ORC5: variants seen among roughly 807,000 people sequenced by gnomAD.
ORC5 encodes the protein origin recognition complex subunit 5, also known as protein phosphatase 1, regulatory subunit 117.
Under a neutral mutation model 58.8 loss-of-function variants are expected in ORC5, and 39 were observed. That is an observed-to-expected ratio of 0.66 (90% CI 0.51 to 0.87). The LOEUF is 0.87. Ranked by LOEUF, ORC5 falls within the 40% of genes least tolerant of loss-of-function variation. The pLI, the probability that ORC5 is intolerant of heterozygous loss-of-function variation, is 0.00. For missense variants in ORC5, 493 were observed against 506.3 expected, an observed-to-expected ratio of 0.97 and a Z score of 0.25; for synonymous variants, 218 against 177.6, an observed-to-expected ratio of 1.23 and a Z score of -1.81.
At chr7:104,185,280 T>C (rs1304297067) in intron 6 of ORC5, among the ~76,000 whole-genome samples, 1 of 152,108 alleles carries the variant, frequency 6.6e-6, no homozygotes, top group African/African-American at 2.4e-5. Flanking sequence ...AAAATAAATT[T>C]GTATGCCTTT....
intron 10 of ORC5, 25 bp downstream of exon 10, chr7:104,166,747 G>A: frequency 1.6e-6 from 2 of 1,212,128 alleles, no homozygotes; most frequent in Non-Finnish European, 2.4e-6. Flanking sequence ...AAAAAATAAA[G>A]TGAAAAGAAG....
intron 8 of ORC5, among the ~76,000 whole-genome samples, chr7:104,172,228 T>G (rs750735819): frequency 1.1e-4 from 17 of 152,224 alleles, no homozygotes; most frequent in Admixed American, 2.6e-4. Flanking sequence ...GTGGACACAA[T>G]TGAATTTAGG....
In ORC5 at chr7:104,158,805, G is replaced by A. The variant is rs557710755; in HGVS notation, c.1149+2267C>T. Among the ~76,000 whole-genome samples the A allele has an allele frequency of 5.3e-3, 804 of 151,502 alleles. 8 individuals carry two copies. The highest frequency in any genetic ancestry group is 0.018 in the African/African-American group (743 of 41,056). On this transcript the variant is annotated intron_variant, in intron 12 of 13. Coordinates refer to ENST00000297431, the MANE Select transcript of ORC5 (RefSeq NM_002553.4). ...ACCATCTCACACCAGTTAGAATGGC[G>A]ATCATTAAAAAGTCAGGAAACAACA...
At chr7:104,205,446 T>G (rs1800055817) in intron 1 of ORC5, among the ~76,000 whole-genome samples, 1 of 152,164 alleles carries the variant, frequency 6.6e-6, no homozygotes, top group South Asian at 2.1e-4. Context: ...ATGCAATTTC[T>G]ATCAGAAAGT....
At chr7:104,207,250 C>T (rs1461748545) in intron 1 of ORC5, among the ~76,000 whole-genome samples, 2 of 152,154 alleles carry the variant, frequency 1.3e-5, no homozygotes, top group Non-Finnish European at 2.9e-5. Flanking sequence ...GGACTCCCTA[C>T]GTATCTATGT....
At chr7:104,142,304 A>G (rs930924884) in intron 12 of ORC5, among the ~76,000 whole-genome samples, 10 of 152,196 alleles carry the variant, frequency 6.6e-5, no homozygotes, top group African/African-American at 2.2e-4. Flanking sequence ...AAACGTAGGG[A>G]AAAAAACTCC....
chr7:104,145,860 T>C (rs181039101), intron 12 of ORC5, among the ~76,000 whole-genome samples: 9 of 152,252 alleles, frequency 5.9e-5, no homozygotes, highest in Admixed American at 2.0e-4. Flanking sequence ...GGCAAAAGGC[T>C]ACCCAGGTAG....
intron 3 of ORC5, among the ~76,000 whole-genome samples, chr7:104,199,087 A>G (rs1799869269): frequency 6.6e-6 from 1 of 152,228 alleles, no homozygotes; most frequent in Non-Finnish European, 1.5e-5. Context: ...TCCAGGCAGA[A>G]GTTGGCTGTA....
intron 13 of ORC5, among the ~76,000 whole-genome samples, chr7:104,132,042 A>G (rs1798520059): frequency 2.0e-5 from 3 of 152,164 alleles, no homozygotes; most frequent in African/African-American, 7.2e-5. Flanking sequence ...AATAAATGTT[A>G]AATAAACGAA....
chr7:104,143,798 G>A (rs563484436), intron 12 of ORC5, among the ~76,000 whole-genome samples: 3 of 151,930 alleles, frequency 2.0e-5, no homozygotes, highest in Admixed American at 1.3e-4. Context: ...ACAAATAATA[G>A]ATATTCAGAA....
chr7:104,126,738 A>G lies in ORC5; in HGVS notation c.*110T>C, dbSNP rs1397245893. The G allele has an allele frequency of 1.9e-5, 14 of 736,130 alleles. No individual in the cohort carries two copies. Among genetic ancestry groups the G allele is most frequent in the Non-Finnish European group, 3.2e-5 (14 of 439,338 alleles). 45.6% of individuals were successfully genotyped at this position (736,130 alleles called of 1,614,324 possible). A position where few individuals can be genotyped will look rare whatever the true frequency, so the allele number is the denominator to read the frequency against. ...CCATGCTGGGCCAGCACCTGTTTGG[A>G]CAAATCCAATAGAGCCAAAGAACTC... On this transcript the variant is annotated 3_prime_UTR_variant, in exon 14 of 14. Coordinates refer to ENST00000297431, the MANE Select transcript of ORC5 (RefSeq NM_002553.4).
intron 6 of ORC5, among the ~76,000 whole-genome samples, chr7:104,186,682 C>T (rs1358378653): frequency 6.6e-6 from 1 of 151,926 alleles, no homozygotes; most frequent in South Asian, 2.1e-4. Context: ...ATGCCACTTA[C>T]AAACTTTGAA....
chr7:104,207,966 A>T lies in ORC5; in HGVS notation c.-62T>A, dbSNP rs573510618. On this transcript the variant is annotated 5_prime_UTR_variant, in exon 1 of 14. Coordinates refer to ENST00000297431, the MANE Select transcript of ORC5 (RefSeq NM_002553.4). ...CCCACAGGACCCTTGCACAAGACGG[A>T]GCCTCTCCCGAGTCTGGCGGCCCAC... 54 of 1,481,864 alleles carry T rather than the reference A, an allele frequency of 3.6e-5. No homozygotes were observed. The highest frequency in any genetic ancestry group is 4.7e-5 in the Non-Finnish European group (50 of 1,064,794). 91.8% of individuals were successfully genotyped at this position (1,481,864 alleles called of 1,614,324 possible). A position where few individuals can be genotyped will look rare whatever the true frequency, so the allele number is the denominator to read the frequency against.
chr7:104,162,977 G>C (rs1393184360), intron 11 of ORC5, among the ~76,000 whole-genome samples: 1 of 152,056 alleles, frequency 6.6e-6, no homozygotes, highest in African/African-American at 2.4e-5. Context: ...TCTACCAATT[G>C]CTTTTTGAGA....
rs1214579740 is a variant in ORC5 at position 104,138,791 on chromosome 7, G to A, written c.1150-1898C>T. 6.6e-6 allele frequency among the ~76,000 whole-genome samples: 1 copy of A among 152,148 alleles called. No homozygotes were observed. Among genetic ancestry groups the A allele is most frequent in the African/African-American group, 2.4e-5 (1 of 41,434 alleles). ...CTCCCAAAGTGTTGGGATTAGAGGC[G>A]TGAGCCCCCGCACCCAACCATTGCT... On this transcript the variant is annotated intron_variant, in intron 12 of 13. Transcript: ENST00000297431. This position sits in a 1 kb window ranked among gnomAD's most constrained non-coding sequence, Gnocchi z 4.7.
chr7:104,162,319 T>C (rs746128127), intron 11 of ORC5, among the ~76,000 whole-genome samples: 38 of 152,194 alleles, frequency 2.5e-4, no homozygotes, highest in Non-Finnish European at 4.7e-4. Flanking sequence ...ATTACAGGCA[T>C]GCACTGCCAC....
chr7:104,168,523 G>T lies in ORC5; in HGVS notation c.827C>A (p.Ser276Tyr). Residue 276 changes from serine to tyrosine, a missense_variant and splice_region_variant, in exon 9 of 14, where the codon TCC becomes TAC. Physicochemically the swap from Ser to Tyr is moderately radical, Grantham distance 144. Transcript: ENST00000297431. ...QTVYLREISS[S>Y]QWEKLQKDDT... ...ATCTTTCTGTAGCTTTTCCCACTGG[G>T]AACTGAAAAAAAATAGAAGAGCAAA... 7 of 1,534,364 alleles carry T rather than the reference G, an allele frequency of 4.6e-6. No individual in the cohort carries two copies. The highest frequency in any genetic ancestry group is 6.1e-6 in the Non-Finnish European group (7 of 1,139,944).
intron 13 of ORC5, among the ~76,000 whole-genome samples, chr7:104,128,680 C>G (rs1338073717): frequency 2.4e-5 from 3 of 124,500 alleles, no homozygotes; most frequent in African/African-American, 6.0e-5. Flanking sequence ...CCCCCTCCCC[C>G]CCACCCCACA....
chr7:104,159,425 T>C (rs1305177055), intron 12 of ORC5, among the ~76,000 whole-genome samples: 2 of 148,108 alleles, frequency 1.4e-5, no homozygotes, highest in Admixed American at 6.7e-5. Context: ...CATGTATACA[T>C]ATGTAACTAA....
Sources: gnomAD v4.1 joint callset for allele counts (sites outside exome capture counted in the v4.1 genomes callset) on GRCh38, gnomAD v4.1.1 for gene constraint, Gnocchi (gnomAD v3.1) non-coding constraint, MANE v1.5 for transcripts, NCBI Gene and HGNC (gene_info 2026-07-23, HGNC 2026-07-21) for gene names.